The following PRTFDC1 variants were observed in gnomAD, a reference collection of about 807,000 sequenced individuals.
PRTFDC1 encodes the protein phosphoribosyl transferase domain containing 1.
A neutral mutation model predicts 34.6 loss-of-function variants in PRTFDC1; 38 were observed. The ratio of observed to expected loss-of-function variants is 1.10; its 90% CI spans 0.85 to 1.44. The LOEUF is 1.44. Among genes scored for constraint, PRTFDC1 ranks in the 40% most tolerant of loss-of-function variants. The pLI is 0.00. For synonymous variants in PRTFDC1, 93 were observed against 98.1 expected (o/e 0.95, Z 0.31); for missense variants, 270 against 283.0 (o/e 0.95, Z 0.33).
chr10:24,898,655 G>A (rs1028867101), intron 3 of PRTFDC1, among the ~76,000 whole-genome samples: 4 of 151,928 alleles, frequency 2.6e-5, no homozygotes, highest in African/African-American at 9.7e-5. Flanking sequence ...AAGAAGAAAG[G>A]ATTTCCCCCT....
chr10:24,909,291 G>C (rs2132565371), intron 3 of PRTFDC1, among the ~76,000 whole-genome samples: 1 of 152,254 alleles, frequency 6.6e-6, no homozygotes, highest in East Asian at 1.9e-4. Context: ...CAAAAAAAAG[G>C]GGACTATCTA....
Position 24,952,509 on chromosome 10 carries a change from A to C in PRTFDC1, c.48+19T>G, listed in dbSNP as rs1849363026. 7 of 1,580,100 alleles carry C rather than the reference A, an allele frequency of 4.4e-6. No homozygotes were observed. The East Asian group carries it at 1.6e-4, about 36-fold the overall frequency. On this transcript the variant is annotated intron_variant, in intron 1 of 8. Coordinates refer to ENST00000320152, the MANE Select transcript of PRTFDC1 (RefSeq NM_020200.7). The surrounding 1 kb of genome is among the most constrained non-coding windows in gnomAD (Gnocchi z 5.1). ...GGAGGGGAGCGGGCCGAGCCCCAAA[A>C]TAGGGAGTTTGCATTTACCACGACG...
chr10:24,905,955 C>A (rs1247646481), intron 3 of PRTFDC1, among the ~76,000 whole-genome samples: 1 of 152,124 alleles, frequency 6.6e-6, no homozygotes, highest in Non-Finnish European at 1.5e-5. Context: ...TCCATGAGTT[C>A]AATTGTTTTA....
chr10:24,937,094 T>C, intron 3 of PRTFDC1, 90 bp downstream of exon 3: 7 of 1,202,830 alleles, frequency 5.8e-6, no homozygotes, highest in African/African-American at 1.5e-5. Context: ...TTTTAAAAAT[T>C]GCACTCTTCA....
At chr10:24,898,002 A>G (rs1461217502) in intron 3 of PRTFDC1, among the ~76,000 whole-genome samples, 2 of 152,202 alleles carry the variant, frequency 1.3e-5, no homozygotes, top group African/African-American at 4.8e-5. Flanking sequence ...CTTGAAAAGT[A>G]TGTAAAGGTG....
chr10:24,872,067 C>T lies in PRTFDC1; in HGVS notation c.340-4G>A. ...TCTCACCCATGGACTGGTCATTCTGCAAAAAAGAAGAAAAAAAAGGGAGAC... is the reference window on the plus strand; with the variant it reads ...TCTCACCCATGGACTGGTCATTCTGTAAAAAAGAAGAAAAAAAAGGGAGAC... On this transcript the variant is annotated splice_region_variant and splice_polypyrimidine_tract_variant and intron_variant, in intron 3 of 8. Coordinates refer to ENST00000320152, the MANE Select transcript of PRTFDC1 (RefSeq NM_020200.7). 1 of 1,599,412 alleles carries T rather than the reference C, an allele frequency of 6.3e-7. No homozygotes were observed.
At chr10:24,947,449 T>C (rs1367037628) in intron 1 of PRTFDC1, among the ~76,000 whole-genome samples, 1 of 152,144 alleles carries the variant, frequency 6.6e-6, no homozygotes, top group Non-Finnish European at 1.5e-5. Flanking sequence ...ACAGATAATA[T>C]GCTCTAAGTG....
intron 3 of PRTFDC1, chr10:24,908,355 T>G (rs1290070367): frequency 3.8e-6 from 4 of 1,054,254 alleles, no homozygotes; most frequent in Admixed American, 2.9e-5. Flanking sequence ...ATTTTGATAT[T>G]TTTCATAACC....
At position 24,929,052 on chromosome 10, in the gene PRTFDC1, A is replaced by AAAAAAAGAAAG. The variant is rs1554765607; in HGVS notation, c.339+8131_339+8132insCTTTCTTTTTT. Among the ~76,000 whole-genome samples the AAAAAAAGAAAG allele has an allele frequency of 1.2e-4, 14 of 116,508 alleles. 1 individual carries two copies. Among genetic ancestry groups the AAAAAAAGAAAG allele is most frequent in the Non-Finnish European group, 6.8e-5 (4 of 59,114 alleles). The allele number at this position is 116,508 out of a possible 152,430, so 76.4% of individuals were successfully genotyped here. A position where few individuals can be genotyped will look rare whatever the true frequency, so the allele number is the denominator to read the frequency against. On this transcript the variant is annotated intron_variant, in intron 3 of 8. Coordinates refer to ENST00000320152, the MANE Select transcript of PRTFDC1 (RefSeq NM_020200.7). ...GCAGACTCCGTCTCAAAAAAAAAAAAAAAGAAAGAAAGAAAGAAAGAAAGG... is the reference window on the plus strand; with the variant it reads ...GCAGACTCCGTCTCAAAAAAAAAAAAAAAAAAGAAAGAAAGAAAGAAAGAAAGAAAGAAAGG...
At chr10:24,855,756 T>C (rs1049979684) in intron 6 of PRTFDC1, among the ~76,000 whole-genome samples, 2 of 151,550 alleles carry the variant, frequency 1.3e-5, no homozygotes, top group Non-Finnish European at 2.9e-5. Flanking sequence ...GATTGCACTA[T>C]TGCACTCCAG....
chr10:24,872,171 T>A, intron 3 of PRTFDC1, 108 bp from the exon 4 acceptor site: 4 of 887,548 alleles, frequency 4.5e-6, no homozygotes. Context: ...CTTACAAATA[T>A]AGCACAAATA....
chr10:24,920,084 A>G (rs1362748049), intron 3 of PRTFDC1, among the ~76,000 whole-genome samples: 3 of 152,162 alleles, frequency 2.0e-5, no homozygotes, highest in Admixed American at 2.0e-4. Context: ...AGAGACTTAG[A>G]ATCAGAAATA....
intron 4 of PRTFDC1, among the ~76,000 whole-genome samples, chr10:24,860,201 G>T (rs564855701): frequency 6.6e-6 from 1 of 152,228 alleles, no homozygotes; most frequent in African/African-American, 2.4e-5. Flanking sequence ...CCAATTTGGT[G>T]AAACCCCGTC....
chr10:24,924,663 A>G (rs1848843333), intron 3 of PRTFDC1, among the ~76,000 whole-genome samples: 1 of 152,222 alleles, frequency 6.6e-6, no homozygotes, highest in Admixed American at 6.5e-5. Context: ...AAAAGACATG[A>G]ACAGACACTT....
chr10:24,860,582 T>C (rs1201545126), intron 4 of PRTFDC1, among the ~76,000 whole-genome samples: 1 of 152,214 alleles, frequency 6.6e-6, no homozygotes, highest in Non-Finnish European at 1.5e-5. Context: ...AGTTATGACA[T>C]TTTTATTCAT....
intron 3 of PRTFDC1, among the ~76,000 whole-genome samples, chr10:24,897,124 C>G (rs919687672): frequency 5.3e-5 from 8 of 152,088 alleles, no homozygotes; most frequent in African/African-American, 1.9e-4. Flanking sequence ...GTGGGAGGAT[C>G]GCTTGAGCCC....
At chr10:24,945,379 A>G (rs771530953) in intron 1 of PRTFDC1, among the ~76,000 whole-genome samples, 3 of 152,198 alleles carry the variant, frequency 2.0e-5, no homozygotes, top group Non-Finnish European at 2.9e-5. Context: ...TGTGATAAAG[A>G]GCACCACTGT....
At chr10:24,947,915 T>A (rs2132622709) in intron 1 of PRTFDC1, among the ~76,000 whole-genome samples, 1 of 152,012 alleles carries the variant, frequency 6.6e-6, no homozygotes, top group African/African-American at 2.4e-5. Flanking sequence ...CAACCATACA[T>A]CTTGAAAAGT....
intron 3 of PRTFDC1, among the ~76,000 whole-genome samples, chr10:24,887,012 G>A (rs1308398187): frequency 7.3e-5 from 10 of 137,286 alleles, no homozygotes; most frequent in African/African-American, 1.1e-4. Flanking sequence ...CGCCCAGGTC[G>A]GACTGCGGAC....
Sources: allele counts gnomAD v4.1 joint callset (sites outside exome capture counted in the v4.1 genomes callset), GRCh38; gene constraint gnomAD v4.1.1; non-coding constraint Gnocchi (gnomAD v3.1); transcripts MANE v1.5; gene names NCBI Gene and HGNC (gene_info 2026-07-23, HGNC 2026-07-21).